The following EPHB2 variants were observed in gnomAD, a reference collection of about 807,000 sequenced individuals.
EPHB2 encodes the protein ephrin type-B receptor 2.
Under a neutral mutation model 96.4 loss-of-function variants are expected in EPHB2, and 18 were observed. The ratio of observed to expected loss-of-function variants is 0.19; its 90% CI spans 0.13 to 0.28. The LOEUF (loss-of-function observed/expected upper bound fraction) is 0.28. Ranked by LOEUF, EPHB2 falls within the 10% of genes least tolerant of loss-of-function variation. The pLI is 1.00. For missense variants in EPHB2, 989 were observed against 1,355.4 expected (o/e 0.73, Z 4.25); for synonymous variants, 506 against 534.1 (o/e 0.95, Z 0.72).
At position 22,782,951 on chromosome 1, in the gene EPHB2, G is replaced by A. The variant is rs188343656; in HGVS notation, c.127-1441G>A. Among the ~76,000 whole-genome samples the A allele has an allele frequency of 1.3e-4, 20 of 152,262 alleles. No individual in the cohort carries two copies. The East Asian group carries it at 3.7e-3, about 28-fold the overall frequency. On this transcript the variant is annotated intron_variant, in intron 2 of 15. Coordinates refer to ENST00000374630, the MANE Select transcript of EPHB2 (RefSeq NM_017449.5). ...CACAGACTTGGCCCAGGGAATCTGAGTGGCACAGGATAAAGGACACCCACT... is the reference window on the plus strand; with the variant it reads ...CACAGACTTGGCCCAGGGAATCTGAATGGCACAGGATAAAGGACACCCACT...
chr1:22,805,182 T>C (rs558149400), intron 3 of EPHB2, among the ~76,000 whole-genome samples: 2 of 152,060 alleles, frequency 1.3e-5, no homozygotes, highest in East Asian at 3.9e-4. Flanking sequence ...CAGACATCTG[T>C]CAAATCCATG....
intron 1 of EPHB2, among the ~76,000 whole-genome samples, chr1:22,751,582 G>C (rs995077026): frequency 1.6e-4 from 25 of 152,200 alleles, no homozygotes; most frequent in African/African-American, 5.8e-4. Flanking sequence ...CGCCTTTCCA[G>C]AAGCTTTCAC....
intron 1 of EPHB2, among the ~76,000 whole-genome samples, chr1:22,714,407 T>C (rs532456629): frequency 1.2e-4 from 19 of 152,274 alleles, no homozygotes; most frequent in African/African-American, 4.3e-4. Context: ...TTATAGGATG[T>C]GGAGAATTTT....
intron 1 of EPHB2, among the ~76,000 whole-genome samples, chr1:22,771,222 G>A (rs1644376144): frequency 6.6e-6 from 1 of 152,186 alleles, no homozygotes; most frequent in Non-Finnish European, 1.5e-5. Context: ...AGGGACAGAT[G>A]AGTAAAAGAA....
intron 8 of EPHB2, 130 bp from the exon 9 acceptor site, chr1:22,896,284 G>T: frequency 8.9e-7 from 1 of 1,129,188 alleles, no homozygotes; most frequent in South Asian, 1.3e-5. Context: ...GGCCAAAAGG[G>T]GCAGGCAGGG....
intron 1 of EPHB2, among the ~76,000 whole-genome samples, chr1:22,729,988 G>C (rs1643671159): frequency 6.6e-6 from 1 of 152,266 alleles, no homozygotes; most frequent in Non-Finnish European, 1.5e-5. Flanking sequence ...ACAGTTGGCA[G>C]AGTGCTGTGA....
chr1:22,727,728 ATTTTC>A (rs1045273699), intron 1 of EPHB2, among the ~76,000 whole-genome samples: 3 of 111,614 alleles, frequency 2.7e-5, no homozygotes, highest in Non-Finnish European at 3.7e-5. Flanking sequence ...GCTTGAACAT[ATTTTC>A]TTTTCTTTTC....
intron 5 of EPHB2, among the ~76,000 whole-genome samples, chr1:22,874,374 G>C (rs1286372633): frequency 6.6e-6 from 1 of 152,192 alleles, no homozygotes; most frequent in Non-Finnish European, 1.5e-5. Flanking sequence ...GGGTAGGACT[G>C]TCCCACCAGG....
At chr1:22,815,919 C>G (rs922126843) in intron 3 of EPHB2, among the ~76,000 whole-genome samples, 1 of 152,162 alleles carries the variant, frequency 6.6e-6, no homozygotes, top group African/African-American at 2.4e-5. Context: ...CCATGTCCAT[C>G]GGGCATCTGC....
intron 3 of EPHB2, among the ~76,000 whole-genome samples, chr1:22,828,868 A>G (rs1645261936): frequency 6.6e-6 from 1 of 152,236 alleles, no homozygotes; most frequent in Non-Finnish European, 1.5e-5. Flanking sequence ...GTACCACCAT[A>G]GACTATTAAA....
chr1:22,822,183 G>T (rs1367968115), intron 3 of EPHB2, among the ~76,000 whole-genome samples: 1 of 152,162 alleles, frequency 6.6e-6, no homozygotes, highest in Non-Finnish European at 1.5e-5. Context: ...ATGGAGAAGG[G>T]TCAAAGGTGA....
intron 1 of EPHB2, among the ~76,000 whole-genome samples, chr1:22,748,378 T>C (rs1043554577): frequency 2.7e-5 from 3 of 112,100 alleles, no homozygotes; most frequent in East Asian, 2.7e-4. Context: ...TTCTGGGTCC[T>C]TTTTTTTTTT....
At chr1:22,844,431 G>A (rs1433046442) in intron 3 of EPHB2, among the ~76,000 whole-genome samples, 1 of 152,254 alleles carries the variant, frequency 6.6e-6, no homozygotes, top group East Asian at 1.9e-4. Context: ...AGGAGACCCA[G>A]GCAGCTGAGA....
At chr1:22,893,862 C>T (rs1335100271) in intron 7 of EPHB2, among the ~76,000 whole-genome samples, 1 of 152,208 alleles carries the variant, frequency 6.6e-6, no homozygotes, top group Non-Finnish European at 1.5e-5. Context: ...TTTGTCATTG[C>T]TGTGTGTCTG....
chr1:22,887,853 C>T (rs1044214295), intron 6 of EPHB2, among the ~76,000 whole-genome samples: 3 of 152,126 alleles, frequency 2.0e-5, no homozygotes, highest in Non-Finnish European at 2.9e-5. Context: ...GCAGAAGGAG[C>T]AAAGGTTGGA....
At chr1:22,896,590 C>A in intron 9 of EPHB2, 112 bp downstream of exon 9, 2 of 1,417,674 alleles carry the variant, frequency 1.4e-6, no homozygotes, top group South Asian at 1.2e-5. Flanking sequence ...CAGACAATGT[C>A]AAGTGGTTGC....
At chr1:22,752,011 G>A (rs548080263) in intron 1 of EPHB2, among the ~76,000 whole-genome samples, 6 of 152,308 alleles carry the variant, frequency 3.9e-5, no homozygotes, top group South Asian at 2.1e-4. Flanking sequence ...GGATTTGGGC[G>A]TTCACTAGTT....
intron 1 of EPHB2, among the ~76,000 whole-genome samples, chr1:22,739,216 GTTTT>G (rs1327114130): frequency 1.3e-5 from 2 of 151,002 alleles, no homozygotes. Context: ...AATTCTTTTT[GTTTT>G]TTTTCTTTTT....
At chr1:22,805,621 T>C (rs28445955) in intron 3 of EPHB2, among the ~76,000 whole-genome samples, 11,473 of 152,060 alleles carry the variant, frequency 0.075, 1,353 homozygotes, top group African/African-American at 0.26. Flanking sequence ...CTCCCACCCA[T>C]CCTGGACCCA....
Sources: gnomAD v4.1 joint callset for allele counts (sites outside exome capture counted in the v4.1 genomes callset) on GRCh38, gnomAD v4.1.1 for gene constraint, MANE v1.5 for transcripts, NCBI Gene and HGNC (gene_info 2026-07-23, HGNC 2026-07-21) for gene names.